The following LRP2BP variants were observed in gnomAD, a reference collection of about 807,000 sequenced individuals.
The protein encoded by LRP2BP is LRP2 binding protein, also known as LRP2-binding protein.
A neutral mutation model predicts 45.2 loss-of-function variants in LRP2BP; 38 were observed. The observed-to-expected ratio is 0.84, with a 90% CI of 0.65 to 1.10. The LOEUF (loss-of-function observed/expected upper bound fraction) is 1.10. Among genes scored for constraint, LRP2BP ranks in the 50% least tolerant of loss-of-function variants. The probability of loss-of-function intolerance (pLI) is 0.00; values close to 1 mark genes in which losing one functional copy is unlikely to be tolerated. For missense variants in LRP2BP, 385 were observed against 418.9 expected (o/e 0.92, Z 0.71); for synonymous variants, 153 against 153.9 (o/e 0.99, Z 0.04).
Position 185,377,300 on chromosome 4 carries a change from C to A in LRP2BP, c.107-282G>T, listed in dbSNP as rs2095441400. ...CTGGGAGGCCGAGGCGGGTGGATCA[C>A]CTGAGTTTGGGAGTTCAAGACTAGC... On this transcript the variant is annotated intron_variant, in intron 2 of 8. Coordinates refer to ENST00000505916, the MANE Select transcript of LRP2BP (RefSeq NM_001377440.1). 3 of 326,214 alleles carry A rather than the reference C, an allele frequency of 9.2e-6. No individual in the cohort carries two copies. The Admixed American group carries it at 1.2e-4, about 13-fold the overall frequency. 20.2% of individuals were successfully genotyped at this position (326,214 alleles called of 1,614,324 possible). A position where few individuals can be genotyped will look rare whatever the true frequency, so the allele number is the denominator to read the frequency against.
At position 185,395,881 on chromosome 4, in the gene LRP2BP, G is replaced by C. The variant is rs2095500896; in HGVS notation, c.-1124C>G. 3.0e-6 allele frequency: 3 copies of C among 985,474 alleles called. No individual in the cohort carries two copies. The highest frequency in any genetic ancestry group is 9.4e-5 in the South Asian group (2 of 21,286). 61.0% of individuals were successfully genotyped at this position (985,474 alleles called of 1,614,324 possible). Reference sequence around the variant, plus strand: ...AAAAGAAACACTCGGCTGGAGCTTTGGTTTCTAAGCAGATCCTTCTGGAAA... The same window carrying C: ...AAAAGAAACACTCGGCTGGAGCTTTCGTTTCTAAGCAGATCCTTCTGGAAA... On this transcript the variant is annotated 5_prime_UTR_variant, in exon 1 of 9. Coordinates refer to ENST00000505916, the MANE Select transcript of LRP2BP (RefSeq NM_001377440.1).
At chr4:185,371,795 G>GA (rs1349156564) in intron 7 of LRP2BP, among the ~76,000 whole-genome samples, 2 of 152,182 alleles carry the variant, frequency 1.3e-5, no homozygotes, top group Non-Finnish European at 2.9e-5. Context: ...GCTGCCTGGA[G>GA]CCCGAGACGC....
chr4:185,375,033 C>T lies in LRP2BP; in HGVS notation c.331-572G>A, dbSNP rs75891450. On this transcript the variant is annotated intron_variant, in intron 4 of 8. Transcript: ENST00000505916. ...AACCACTAGCAAGAACAGATCTGTACCCTCCACCCCCAAATCCATCAGACA... is the reference window on the plus strand; with the variant it reads ...AACCACTAGCAAGAACAGATCTGTATCCTCCACCCCCAAATCCATCAGACA... Among the ~76,000 whole-genome samples, 912 of 152,112 alleles carry T rather than the reference C, an allele frequency of 6.0e-3. 10 individuals are homozygous for T. Among genetic ancestry groups the T allele is most frequent in the African/African-American group, 0.021 (874 of 41,500 alleles).
chr4:185,389,735 C>G (rs1580013459), intron 1 of LRP2BP, among the ~76,000 whole-genome samples: 1 of 152,136 alleles, frequency 6.6e-6, no homozygotes, highest in African/African-American at 2.4e-5. Context: ...CGTATCTGTT[C>G]ATCTGCAGTC....
chr4:185,378,794 G>A (rs1055675869), intron 1 of LRP2BP: 6 of 985,324 alleles, frequency 6.1e-6, no homozygotes, highest in Non-Finnish European at 7.2e-6. Flanking sequence ...AGGAGTCCAG[G>A]TTGGCCTAGG....
chr4:185,384,780 C>T, intron 1 of LRP2BP, among the ~76,000 whole-genome samples: 1 of 150,914 alleles, frequency 6.6e-6, no homozygotes. Flanking sequence ...TTGGAAACAC[C>T]ATCTACACAT....
chr4:185,378,055 G>A, intron 2 of LRP2BP, 26 bp downstream of exon 2: 3 of 1,568,532 alleles, frequency 1.9e-6, no homozygotes, highest in Non-Finnish European at 2.6e-6. Flanking sequence ...GTTTTCCAAG[G>A]GAAGCTTAAA....
chr4:185,367,262 G>A lies in LRP2BP; in HGVS notation c.979-17C>T, dbSNP rs1455893912. The stretch of plus-strand genomic sequence containing the variant: ...ACGACAAGCCTTAAAATCAAAAAGA[G>A]TCAGATATTTAGATACATTCTAATT... On this transcript the variant is annotated splice_polypyrimidine_tract_variant and intron_variant, in intron 8 of 8. Coordinates refer to ENST00000505916, the MANE Select transcript of LRP2BP (RefSeq NM_001377440.1). 8 of 1,601,806 alleles carry A rather than the reference G, an allele frequency of 5.0e-6. No homozygotes were observed. The South Asian group carries it at 8.9e-5, about 18-fold the overall frequency.
chr4:185,392,996 C>A (rs571611435), intron 1 of LRP2BP, among the ~76,000 whole-genome samples: 1 of 152,188 alleles, frequency 6.6e-6, no homozygotes, highest in Admixed American at 6.5e-5. Flanking sequence ...TGCAGTGGCA[C>A]GATCTCGGCT....
At chr4:185,395,966 G>A (rs969152979), upstream of LRP2BP, 3 of 947,226 alleles carry the variant, frequency 3.2e-6, no homozygotes, top group Non-Finnish European at 3.8e-6. Flanking sequence ...CGGAAGTCAG[G>A]TCATGTTCTA....
rs6812770 is a variant in LRP2BP at position 185,379,020 on chromosome 4, T to C, written c.-21-813A>G. The C allele has an allele frequency of 3.9e-4, 378 of 971,726 alleles. No individual in the cohort carries two copies. The African/African-American group carries it at 5.8e-3, about 15-fold the overall frequency. 60.2% of individuals were successfully genotyped at this position (971,726 alleles called of 1,614,324 possible). A position where few individuals can be genotyped will look rare whatever the true frequency, so the allele number is the denominator to read the frequency against. On this transcript the variant is annotated intron_variant, in intron 1 of 8. Coordinates refer to ENST00000505916, the MANE Select transcript of LRP2BP (RefSeq NM_001377440.1). ...ATGCTATTTTAGACAATAAATTGCT[T>C]AAGTGAGAATGAAGTGCAGAAAAAA...
At position 185,366,438 on chromosome 4, in the gene LRP2BP, T is replaced by A. The variant is rs576742065; in HGVS notation, c.*742A>T. On this transcript the variant is annotated 3_prime_UTR_variant, in exon 9 of 9. Transcript: ENST00000505916. ...CTGCATATGTATGTAGCAGTTGTTTTACTCATTAAGATCTTTGAGGGAAGA... is the reference window on the plus strand; with the variant it reads ...CTGCATATGTATGTAGCAGTTGTTTAACTCATTAAGATCTTTGAGGGAAGA... The A allele has an allele frequency of 6.6e-6, 1 of 152,372 alleles. No homozygotes were observed. Among genetic ancestry groups the A allele is most frequent in the Admixed American group, 6.5e-5 (1 of 15,310 alleles). 9.4% of individuals were successfully genotyped at this position (152,372 alleles called of 1,614,324 possible).
In LRP2BP at chr4:185,374,487, A is replaced by G. The variant is rs764833601; in HGVS notation, c.331-26T>C. 4 of 1,602,748 alleles carry G rather than the reference A, an allele frequency of 2.5e-6. No individual in the cohort carries two copies. In the African/African-American group the frequency reaches 4.1e-5, roughly 16 times the overall value. On this transcript the variant is annotated intron_variant, in intron 4 of 8. Coordinates refer to ENST00000505916, the MANE Select transcript of LRP2BP (RefSeq NM_001377440.1). The stretch of plus-strand genomic sequence containing the variant: ...CTTCGACAAAAGAAAGAGCAAAAAA[A>G]CCCTAGTTTTTAGTTTTACCCAAAC...
chr4:185,396,766 A>T, upstream of LRP2BP: 1 of 757,088 alleles, frequency 1.3e-6, no homozygotes, highest in East Asian at 2.5e-5. Context: ...GCGTAACCGG[A>T]GCTGGGGCGC....
intron 1 of LRP2BP, among the ~76,000 whole-genome samples, chr4:185,381,684 C>G (rs1033319188): frequency 6.6e-6 from 1 of 152,146 alleles, no homozygotes; most frequent in Non-Finnish European, 1.5e-5. Context: ...GAGACAGCCT[C>G]TAATTCAGGC....
intron 1 of LRP2BP, among the ~76,000 whole-genome samples, chr4:185,384,300 C>T (rs895785696): frequency 7.2e-5 from 11 of 152,150 alleles, no homozygotes; most frequent in Non-Finnish European, 1.3e-4. Flanking sequence ...TGATTTTGGA[C>T]TTCCCAACCT....
At chr4:185,372,335 A>C (rs1027714123) in intron 7 of LRP2BP, among the ~76,000 whole-genome samples, 7 of 152,266 alleles carry the variant, frequency 4.6e-5, no homozygotes, top group African/African-American at 1.7e-4. Flanking sequence ...CTAATGGCAT[A>C]GAATTGTGCT....
At position 185,395,851 on chromosome 4, in the gene LRP2BP, A is replaced by G. The variant is rs937210885; in HGVS notation, c.-1094T>C. 2 of 985,358 alleles carry G rather than the reference A, an allele frequency of 2.0e-6. No homozygotes were observed. Among genetic ancestry groups the G allele is most frequent in the Non-Finnish European group, 2.4e-6 (2 of 829,924 alleles). The allele number at this position is 985,358 out of a possible 1,614,324, so 61.0% of individuals were successfully genotyped here. A position where few individuals can be genotyped will look rare whatever the true frequency, so the allele number is the denominator to read the frequency against. ...AACAGAAGGGAATCACTAAAAATGT[A>G]GGGGAAAAGAAACACTCGGCTGGAG... is the stretch of plus-strand genomic sequence containing the variant. On this transcript the variant is annotated 5_prime_UTR_variant, in exon 1 of 9. Transcript: ENST00000505916.
intron 1 of LRP2BP, among the ~76,000 whole-genome samples, chr4:185,386,874 A>G (rs1026086593): frequency 3.9e-5 from 6 of 152,190 alleles, no homozygotes; most frequent in Non-Finnish European, 7.4e-5. Context: ...CCGTGGAGAC[A>G]TGTACGTACA....
Sources: allele counts gnomAD v4.1 joint callset (sites outside exome capture counted in the v4.1 genomes callset), GRCh38; gene constraint gnomAD v4.1.1; transcripts MANE v1.5; gene names NCBI Gene and HGNC (gene_info 2026-07-23, HGNC 2026-07-21).